Variants in AASS observed in about 807,000 individuals in gnomAD.
The protein encoded by AASS is alpha-aminoadipic semialdehyde synthase, mitochondrial.
Under a neutral mutation model 105.4 loss-of-function variants are expected in AASS, and 86 were observed. The observed-to-expected ratio is 0.82, with a 90% CI of 0.69 to 0.98. The LOEUF (loss-of-function observed/expected upper bound fraction) is 0.98, where lower values mean the gene tolerates loss of function less well. Among genes scored for constraint, AASS ranks in the 50% least tolerant of loss-of-function variants. The pLI, the probability that AASS is intolerant of heterozygous loss-of-function variation, is 0.00. For synonymous variants in AASS, 381 were observed against 394.8 expected, an observed-to-expected ratio of 0.96 and a Z score of 0.41; for missense variants, 1,048 against 1,143.2, an observed-to-expected ratio of 0.92 and a Z score of 1.20.
intron 8 of AASS, 54 bp downstream of exon 8, chr7:122,116,579 C>G: frequency 6.2e-7 from 1 of 1,609,564 alleles, no homozygotes; most frequent in Admixed American, 1.7e-5. Context: ...TTGAAAATAG[C>G]CTACCTACAC....
At chr7:122,128,976 G>T (rs1015606136) in intron 3 of AASS, among the ~76,000 whole-genome samples, 1 of 152,264 alleles carries the variant, frequency 6.6e-6, no homozygotes, top group East Asian at 1.9e-4. Context: ...TCCTCAGGAG[G>T]CTGAGGCAGG....
intron 11 of AASS, among the ~76,000 whole-genome samples, chr7:122,102,345 A>G (rs1220953030): frequency 6.6e-6 from 1 of 151,986 alleles, no homozygotes; most frequent in Non-Finnish European, 1.5e-5. Context: ...CTCCCAAGGA[A>G]CCCAACTCTT....
At chr7:122,085,827 C>A (rs560664508) in intron 19 of AASS, among the ~76,000 whole-genome samples, 185 bp downstream of exon 19, 2 of 152,026 alleles carry the variant, frequency 1.3e-5, no homozygotes, top group East Asian at 3.9e-4. Flanking sequence ...CCTAATGAGT[C>A]AATTAATTAT....
At chr7:122,131,469 G>T (rs1795913901) in intron 2 of AASS, among the ~76,000 whole-genome samples, 1 of 151,704 alleles carries the variant, frequency 6.6e-6, no homozygotes, top group Non-Finnish European at 1.5e-5. Flanking sequence ...TAATATTAAA[G>T]AATTAAGATT....
At chr7:122,092,985 T>A in intron 16 of AASS, 34 bp from the exon 17 acceptor site, 1 of 1,612,146 alleles carries the variant, frequency 6.2e-7, no homozygotes, top group Non-Finnish European at 8.5e-7. Context: ...AAGGAAAACT[T>A]GGATATAAAA....
chr7:122,120,380 CT>C (rs1795387340), intron 4 of AASS, among the ~76,000 whole-genome samples: 1 of 151,906 alleles, frequency 6.6e-6, no homozygotes, highest in Non-Finnish European at 1.5e-5. Flanking sequence ...TTCCTTTATC[CT>C]TTTAATATTT....
intron 9 of AASS, 54 bp downstream of exon 9, chr7:122,115,020 A>C: frequency 6.2e-7 from 1 of 1,612,644 alleles, no homozygotes; most frequent in Non-Finnish European, 8.5e-7. Context: ...TTGATCCTCT[A>C]ATAATGGAAG....
chr7:122,133,880 A>C, intron 1 of AASS, 139 bp from the exon 2 acceptor site: 1 of 778,914 alleles, frequency 1.3e-6, no homozygotes, highest in African/African-American at 1.7e-5. Context: ...GGAAGGGAAA[A>C]CTGGGATGTC....
intron 2 of AASS, among the ~76,000 whole-genome samples, chr7:122,130,982 A>C (rs1165653858): frequency 6.6e-6 from 1 of 151,354 alleles, no homozygotes; most frequent in African/African-American, 2.4e-5. Flanking sequence ...CTTCTGTATA[A>C]GAACAAAAGG....
intron 2 of AASS, among the ~76,000 whole-genome samples, chr7:122,130,473 T>C (rs279700): frequency 0.1 from 15,349 of 152,002 alleles, 1,044 homozygotes; most frequent in African/African-American, 0.19. Flanking sequence ...TTACATGTAC[T>C]TTGCTAAGCT....
intron 20 of AASS, among the ~76,000 whole-genome samples, chr7:122,080,038 C>T (rs1020403741): frequency 4.6e-5 from 7 of 152,118 alleles, no homozygotes; most frequent in Non-Finnish European, 8.8e-5. Flanking sequence ...TTTATCCATT[C>T]TCCCCCTACC....
chr7:122,113,251 A>G, intron 10 of AASS, 22 bp from the exon 11 acceptor site: 1 of 1,590,250 alleles, frequency 6.3e-7, no homozygotes. Context: ...AATGTGGTTT[A>G]TTCAGAAGCA....
chr7:122,083,963 T>C (rs915249447), intron 19 of AASS, among the ~76,000 whole-genome samples: 8 of 152,140 alleles, frequency 5.3e-5, no homozygotes, highest in Non-Finnish European at 8.8e-5. Context: ...AAGGAATCCA[T>C]GGGGATGGCT....
chr7:122,120,254 T>G (rs555589069), intron 4 of AASS, among the ~76,000 whole-genome samples: 18 of 152,288 alleles, frequency 1.2e-4, no homozygotes, highest in Non-Finnish European at 1.8e-4. Context: ...GGAATTTAGT[T>G]TGTACCTTGA....
chr7:122,094,372 G>T (rs1183654930), intron 15 of AASS, among the ~76,000 whole-genome samples: 1 of 152,030 alleles, frequency 6.6e-6, no homozygotes, highest in Non-Finnish European at 1.5e-5. Flanking sequence ...TTTACCTGTT[G>T]AGGAATAAAG....
intron 4 of AASS, 43 bp downstream of exon 4, chr7:122,126,332 A>G: frequency 6.4e-7 from 1 of 1,558,678 alleles, no homozygotes; most frequent in South Asian, 1.1e-5. Flanking sequence ...TTATTCCCCA[A>G]GCCAATTTAG....
In AASS at chr7:122,077,867, G is replaced by C. The variant is rs761594354; in HGVS notation, c.2633C>G (p.Thr878Ser). The change falls in exon 23 of 24, where the codon ACC (threonine) becomes AGC (serine). Residue 878 changes from threonine (T) to serine (S), a missense_variant. Thr to Ser is a moderately conservative substitution (Grantham distance 58, BLOSUM62 1). Transcript: ENST00000417368. ...AAGCAACATTTTGGCTGCCATGGCGGTGGGTAACCCCACGGTTTTAGCCAT... is the reference window on the plus strand; with the variant it reads ...AAGCAACATTTTGGCTGCCATGGCGCTGGGTAACCCCACGGTTTTAGCCAT... ...SAMAKTVGLP[T>S]AMAAKMLLDG... The C allele has an allele frequency of 3.1e-6, 5 of 1,614,178 alleles. No individual in the cohort carries two copies. Among genetic ancestry groups the C allele is most frequent in the African/African-American group, 1.3e-5 (1 of 75,048 alleles).
At chr7:122,123,587 A>G (rs1373209742) in intron 4 of AASS, among the ~76,000 whole-genome samples, 2 of 152,206 alleles carry the variant, frequency 1.3e-5, no homozygotes, top group African/African-American at 2.4e-5. Context: ...AATTTTGACC[A>G]ATGGGTATGA....
chr7:122,117,997 G>A (rs1795266505), intron 6 of AASS, among the ~76,000 whole-genome samples: 1 of 152,010 alleles, frequency 6.6e-6, no homozygotes, highest in African/African-American at 2.4e-5. Flanking sequence ...CGAAGAAAAA[G>A]TATTCCAAGA....
Sources: allele counts gnomAD v4.1 joint callset (sites outside exome capture counted in the v4.1 genomes callset), GRCh38; gene constraint gnomAD v4.1.1; transcripts MANE v1.5; gene names NCBI Gene and HGNC (gene_info 2026-07-23, HGNC 2026-07-21).